Variants in LURAP1 observed in about 807,000 individuals in gnomAD.
LURAP1 encodes leucine rich adaptor protein 1.
A neutral mutation model predicts 19.0 loss-of-function variants in LURAP1; 14 were observed. The observed-to-expected ratio is 0.74, with a 90% CI of 0.49 to 1.15. The LOEUF is 1.15. Among genes scored for constraint, LURAP1 ranks in the 50% most tolerant of loss-of-function variants. The pLI, the probability that LURAP1 is intolerant of heterozygous loss-of-function variation, is 0.00. For missense variants in LURAP1, 273 were observed against 309.1 expected, an observed-to-expected ratio of 0.88 and a Z score of 0.87; for synonymous variants, 129 against 131.8, an observed-to-expected ratio of 0.98 and a Z score of 0.14.
chr1:46,212,754 T>C (rs778581516), intron 1 of LURAP1, among the ~76,000 whole-genome samples: 1 of 151,636 alleles, frequency 6.6e-6, no homozygotes, highest in Non-Finnish European at 1.5e-5. Flanking sequence ...TTTTTTATTT[T>C]ATTTTATTTT....
chr1:46,219,758 C>A lies in LURAP1; in HGVS notation c.258C>A (p.Gly86=), dbSNP rs1421344276. 6.2e-7 allele frequency: 1 copy of A among 1,613,064 alleles called. No individual in the cohort carries two copies. Among genetic ancestry groups the A allele is most frequent in the South Asian group, 1.1e-5 (1 of 90,816 alleles). ...ILQQLVTLNE[G]IEAVRWLLEE... ...AGCAGCTGGTGACCTTGAATGAGGG[C>A]ATCGAGGCAGTGCGCTGGCTGTTGG... is the stretch of plus-strand genomic sequence containing the variant. The change falls in exon 2 of 2, where the codon GGC becomes GGA. Residue 86 remains glycine, a synonymous_variant. Transcript: ENST00000371980.
At chr1:46,216,263 GTC>G (rs1659065157) in intron 1 of LURAP1, among the ~76,000 whole-genome samples, 1 of 151,850 alleles carries the variant, frequency 6.6e-6, no homozygotes, top group Non-Finnish European at 1.5e-5. Flanking sequence ...AGCCAGGATG[GTC>G]TCTATCTCCT....
At chr1:46,215,393 T>C (rs1659035378) in intron 1 of LURAP1, among the ~76,000 whole-genome samples, 1 of 152,144 alleles carries the variant, frequency 6.6e-6, no homozygotes, top group Non-Finnish European at 1.5e-5. Context: ...CTCCCAGAAC[T>C]GAAGAACGTC....
rs764431104 is a variant in LURAP1 at position 46,219,991 on chromosome 1, C to A, written c.491C>A (p.Ala164Asp). The part of the protein sequence containing the change: ...SELDEQGPPG[A>D]PRSEMDWAKV... ...CTGGATGAACAGGGCCCACCTGGGG[C>A]TCCACGTTCCGAGATGGACTGGGCA... The change falls in exon 2 of 2, where the codon GCT (alanine) becomes GAT (aspartate). Residue 164 changes from alanine to aspartate, a missense_variant. Physicochemically the swap from Ala to Asp is moderately radical, Grantham distance 126 (BLOSUM62 -2). Coordinates refer to ENST00000371980, the MANE Select transcript of LURAP1 (RefSeq NM_001013615.3). 1.2e-6 allele frequency: 2 copies of A among 1,614,254 alleles called. No individual in the cohort carries two copies. Among genetic ancestry groups the A allele is most frequent in the South Asian group, 2.2e-5 (2 of 91,088 alleles).
At chr1:46,205,039 CTTGAGCCCAGGAG>C (rs1557682517) in intron 1 of LURAP1, among the ~76,000 whole-genome samples, 1 of 152,154 alleles carries the variant, frequency 6.6e-6, no homozygotes, top group Admixed American at 6.5e-5. Context: ...AGGCAGATCG[CTTGAGCCCAGGAG>C]TTTGAGACCA....
intron 1 of LURAP1, among the ~76,000 whole-genome samples, chr1:46,216,298 G>C (rs1295646617): frequency 1.3e-5 from 2 of 151,674 alleles, no homozygotes; most frequent in Non-Finnish European, 2.9e-5. Context: ...CACCCGCCTC[G>C]GCCTCCCAAA....
intron 1 of LURAP1, among the ~76,000 whole-genome samples, chr1:46,205,565 G>A (rs1446290651): frequency 6.6e-6 from 1 of 152,174 alleles, no homozygotes; most frequent in East Asian, 1.9e-4. Context: ...GAAGAGCCAC[G>A]CCCAGTCTCT....
At chr1:46,216,787 C>T (rs888993904) in intron 1 of LURAP1, among the ~76,000 whole-genome samples, 3 of 152,178 alleles carry the variant, frequency 2.0e-5, no homozygotes, top group Non-Finnish European at 4.4e-5. Flanking sequence ...AATCCTTGCC[C>T]CCACCTCTCT....
At chr1:46,209,259 G>A (rs1467990629) in intron 1 of LURAP1, among the ~76,000 whole-genome samples, 2 of 152,116 alleles carry the variant, frequency 1.3e-5, no homozygotes, top group African/African-American at 4.8e-5. Flanking sequence ...CCCGAACTCA[G>A]GTGATCCATC....
Position 46,203,582 on chromosome 1 carries a change from C to G in LURAP1, c.156C>G (p.Gly52=). The stretch of plus-strand genomic sequence containing the variant: ...TGCTCCCAGGGGCGTCTAGCACCGG[C>G]CACGACTTGGGGGACAAGATCATGG... The part of the protein sequence containing the change: ...ALLLPGASST[G]HDLGDKIMAL... Residue 52 remains glycine (G), a synonymous_variant, in exon 1 of 2, where the codon GGC becomes GGG. Transcript: ENST00000371980. The G allele has an allele frequency of 5.1e-6, 8 of 1,580,322 alleles. No homozygotes were observed. Among genetic ancestry groups the G allele is most frequent in the Non-Finnish European group, 6.9e-6 (8 of 1,166,216 alleles).
chr1:46,215,636 T>G (rs1659041139), intron 1 of LURAP1, among the ~76,000 whole-genome samples: 1 of 152,208 alleles, frequency 6.6e-6, no homozygotes. Flanking sequence ...CCATGGCACA[T>G]GCCTCTAATC....
Position 46,205,996 on chromosome 1 carries a change from T to A in LURAP1, c.198+2372T>A, listed in dbSNP as rs1042132924. Among the ~76,000 whole-genome samples, 8 of 152,316 alleles carry A rather than the reference T, an allele frequency of 5.3e-5. No individual in the cohort carries two copies. The East Asian group carries it at 1.2e-3, about 22-fold the overall frequency. On this transcript the variant is annotated intron_variant, in intron 1 of 1. Transcript: ENST00000371980. ...AGGTCAGTCCTGCCTCTAGGCCTCG[T>A]CCCTCCTGCTTTCTTCCTCTACCCT...
intron 1 of LURAP1, among the ~76,000 whole-genome samples, chr1:46,208,789 C>G (rs1658803236): frequency 6.6e-6 from 1 of 151,964 alleles, no homozygotes. Flanking sequence ...TGCAATGAGC[C>G]AAGATCGTGC....
chr1:46,217,865 A>G (rs971828180), intron 1 of LURAP1, among the ~76,000 whole-genome samples: 4 of 152,216 alleles, frequency 2.6e-5, no homozygotes, highest in African/African-American at 9.6e-5. Flanking sequence ...CTCAAAAAAG[A>G]AAAAAGAAAG....
chr1:46,218,700 G>A (rs753424146), intron 1 of LURAP1, among the ~76,000 whole-genome samples: 10 of 152,206 alleles, frequency 6.6e-5, no homozygotes, highest in Non-Finnish European at 1.5e-4. Flanking sequence ...ATCTGAGCTG[G>A]AACGGACGCT....
Position 46,212,987 on chromosome 1 carries a change from A to G in LURAP1, c.199-6712A>G, listed in dbSNP as rs111621232. Among the ~76,000 whole-genome samples the G allele has an allele frequency of 8.2e-3, 1,251 of 152,068 alleles. 19 individuals carry two copies. Among genetic ancestry groups the G allele is most frequent in the Middle Eastern group, 0.038 (11 of 292 alleles). ...CACCGTGTTAGCCAGGATGGTCTCG[A>G]TCTCCTGACCTCTAGTGATCTGTCC... On this transcript the variant is annotated intron_variant, in intron 1 of 1. Transcript: ENST00000371980.
chr1:46,205,915 A>C (rs986623939), intron 1 of LURAP1, among the ~76,000 whole-genome samples: 4 of 152,180 alleles, frequency 2.6e-5, no homozygotes, highest in African/African-American at 9.6e-5. Context: ...CTGTCCTTCA[A>C]TTGTTCCTCT....
rs1557681936 is a variant in LURAP1, at chr1:46,203,367, G to A, written c.-60G>A. The A allele has an allele frequency of 7.8e-6, 11 of 1,410,582 alleles. No homozygotes were observed. The highest frequency in any genetic ancestry group is 1.0e-5 in the Non-Finnish European group (11 of 1,070,118). The allele number at this position is 1,410,582 out of a possible 1,614,324, so 87.4% of individuals were successfully genotyped here. The stretch of plus-strand genomic sequence containing the variant: ...TCCGCTTTAGCAGCGGCGAAGGGAG[G>A]ACCCCCGGGAGCCGGTCCCCGGCGT... On this transcript the variant is annotated 5_prime_UTR_variant, in exon 1 of 2. Coordinates refer to ENST00000371980, the MANE Select transcript of LURAP1 (RefSeq NM_001013615.3).
chr1:46,212,571 G>A (rs543786750), intron 1 of LURAP1, among the ~76,000 whole-genome samples: 2 of 151,588 alleles, frequency 1.3e-5, no homozygotes, highest in East Asian at 2.0e-4. Flanking sequence ...GTGAGCCACT[G>A]CACCCGGCCA....
Sources: allele counts gnomAD v4.1 joint callset (sites outside exome capture counted in the v4.1 genomes callset), GRCh38; gene constraint gnomAD v4.1.1; transcripts MANE v1.5; gene names NCBI Gene and HGNC (gene_info 2026-07-23, HGNC 2026-07-21).